RIPOR2: variants seen among roughly 807,000 people sequenced by gnomAD.
The protein encoded by RIPOR2 is rho family-interacting cell polarization regulator 2.
In RIPOR2, 39 loss-of-function variants were observed where a neutral mutation model predicts 114.5. That is an observed-to-expected ratio of 0.34 (90% CI 0.26 to 0.44). The LOEUF (loss-of-function observed/expected upper bound fraction) is 0.44, where lower values mean the gene tolerates loss of function less well. Ranked by LOEUF, RIPOR2 falls within the 20% of genes least tolerant of loss-of-function variation. The pLI is 1.00. For missense variants in RIPOR2, 1,007 were observed against 1,255.1 expected (o/e 0.80, Z 2.99); for synonymous variants, 445 against 484.4 (o/e 0.92, Z 1.07).
chr6:24,868,073 G>A (rs564933795), intron 6 of RIPOR2, among the ~76,000 whole-genome samples: 1 of 152,288 alleles, frequency 6.6e-6, no homozygotes, highest in South Asian at 2.1e-4. Context: ...TATTTATTGA[G>A]TTTAGCAGAA....
At chr6:24,835,924 G>C in intron 14 of RIPOR2, 53 bp from the exon 15 acceptor site, 1 of 1,528,238 alleles carries the variant, frequency 6.5e-7, no homozygotes, top group South Asian at 1.2e-5. Context: ...ACAAACCACA[G>C]GTCAAGTCCA....
intron 1 of RIPOR2, among the ~76,000 whole-genome samples, chr6:25,011,583 G>A (rs1775776811): frequency 1.3e-5 from 2 of 152,214 alleles, no homozygotes; most frequent in African/African-American, 4.8e-5. Context: ...GGGAAGCCAA[G>A]CAAAGTTTAT....
upstream of RIPOR2, among the ~76,000 whole-genome samples, chr6:24,936,259 T>G (rs932981249): frequency 6.6e-6 from 1 of 152,250 alleles, no homozygotes; most frequent in Admixed American, 6.5e-5. Flanking sequence ...CTTTCTTGCT[T>G]ATGAATTTGA....
chr6:25,024,487 T>A, intron 1 of RIPOR2: 1 of 825,694 alleles, frequency 1.2e-6, no homozygotes, highest in Non-Finnish European at 2.1e-6. Context: ...CTGGACATAG[T>A]GTCTGGGATT....
At position 24,806,456 on chromosome 6, in the gene RIPOR2, C is replaced by T. The variant is rs145459697; in HGVS notation, c.3061G>A (p.Ala1021Thr). Residue 1021 changes from alanine (A) to threonine (T), a missense_variant, in exon 22 of 22, where the codon GCA (alanine) becomes ACA (threonine). By Grantham distance (58) the Ala-to-Thr change is moderately conservative. Transcript: ENST00000643898. The stretch of plus-strand genomic sequence containing the variant: ...GGAAATTTGTCCAATTGTTCATATG[C>T]CAGCCGCCCATCTTCTCCTAAATAC... ...LLSLGEDGRL[A>T]YEQLDKFPRD... 1.3e-6 allele frequency: 2 copies of T among 1,551,374 alleles called. No individual in the cohort carries two copies. The highest frequency in any genetic ancestry group is 1.7e-4 in the Middle Eastern group (1 of 5,994).
chr6:24,925,759 G>C (rs1204263645), intron 1 of RIPOR2, among the ~76,000 whole-genome samples: 3 of 151,856 alleles, frequency 2.0e-5, no homozygotes, highest in Non-Finnish European at 4.4e-5. Context: ...AGCTGGTACT[G>C]TTTTCAACCT....
At chr6:24,901,080 C>T (rs184724634) in intron 1 of RIPOR2, among the ~76,000 whole-genome samples, 100 of 152,138 alleles carry the variant, frequency 6.6e-4, no homozygotes, top group Middle Eastern at 3.4e-3. Context: ...CTATGATTCA[C>T]CTAAAGGGAG....
At chr6:24,994,317 A>G (rs1418657825) in intron 1 of RIPOR2, among the ~76,000 whole-genome samples, 1 of 152,204 alleles carries the variant, frequency 6.6e-6, no homozygotes, top group Non-Finnish European at 1.5e-5. Flanking sequence ...GGACCAACAC[A>G]AATCAAAGAA....
intron 1 of RIPOR2, among the ~76,000 whole-genome samples, chr6:24,988,409 G>A (rs1163743565): frequency 6.6e-6 from 1 of 152,008 alleles, no homozygotes; most frequent in Non-Finnish European, 1.5e-5. Flanking sequence ...GCTGACCCCA[G>A]GTAATCTGCC....
chr6:24,981,297 A>G (rs1235872094), intron 1 of RIPOR2, among the ~76,000 whole-genome samples: 1 of 152,224 alleles, frequency 6.6e-6, no homozygotes. Flanking sequence ...AACAGTCAGC[A>G]TTAATTCTTG....
intron 5 of RIPOR2, among the ~76,000 whole-genome samples, chr6:24,870,024 T>C (rs2113870698): frequency 6.6e-6 from 1 of 152,242 alleles, no homozygotes; most frequent in Non-Finnish European, 1.5e-5. Flanking sequence ...ATTGTGCACA[T>C]AGAAAGGCAT....
intron 1 of RIPOR2, chr6:24,911,085 C>G: frequency 1.6e-6 from 1 of 630,678 alleles, no homozygotes. Flanking sequence ...GGTGGCGGAG[C>G]GCGGAGCTAG....
At chr6:24,875,420 AG>A (rs1289749617) in intron 2 of RIPOR2, among the ~76,000 whole-genome samples, 4 of 152,228 alleles carry the variant, frequency 2.6e-5, no homozygotes. Context: ...TGCTTCAAAA[AG>A]GGGTGGAAGG....
intron 1 of RIPOR2, among the ~76,000 whole-genome samples, chr6:24,956,045 G>GT (rs2114211674): frequency 6.6e-6 from 1 of 151,310 alleles, no homozygotes; most frequent in South Asian, 2.1e-4. Flanking sequence ...CTTTTCTCTG[G>GT]TTTTGTAATT....
intron 21 of RIPOR2, among the ~76,000 whole-genome samples, chr6:24,809,155 T>C (rs552872732): frequency 8.6e-4 from 131 of 151,936 alleles, no homozygotes; most frequent in Admixed American, 3.7e-3. Flanking sequence ...GGCATGAACC[T>C]TCATAAAATA....
chr6:24,836,582 T>A (rs1314503995), intron 14 of RIPOR2, among the ~76,000 whole-genome samples: 2 of 152,206 alleles, frequency 1.3e-5, no homozygotes, highest in Admixed American at 6.5e-5. Flanking sequence ...TTGTTTCACA[T>A]GATTAGCAGA....
intron 17 of RIPOR2, among the ~76,000 whole-genome samples, chr6:24,829,707 G>A (rs1300988820): frequency 6.6e-6 from 1 of 152,182 alleles, no homozygotes; most frequent in African/African-American, 2.4e-5. Flanking sequence ...GGGCATTTAG[G>A]TTGTTTCCAA....
At chr6:24,922,405 C>T (rs1434359792) in intron 1 of RIPOR2, among the ~76,000 whole-genome samples, 2 of 152,330 alleles carry the variant, frequency 1.3e-5, no homozygotes, top group South Asian at 2.1e-4. Context: ...CCTTGGTCAG[C>T]GTCAGCTGCC....
chr6:24,825,528 ATAGT>A (rs1406579846), intron 18 of RIPOR2, 100 bp from the exon 19 acceptor site: 2 of 813,618 alleles, frequency 2.5e-6, no homozygotes, highest in Admixed American at 4.9e-5. Flanking sequence ...AAAGTATAGT[ATAGT>A]AACTCCAATA....
Sources: allele counts gnomAD v4.1 joint callset (sites outside exome capture counted in the v4.1 genomes callset), GRCh38; gene constraint gnomAD v4.1.1; transcripts MANE v1.5; gene names NCBI Gene and HGNC (gene_info 2026-07-23, HGNC 2026-07-21).